PTCD2: variants seen among roughly 807,000 people sequenced by gnomAD.
PTCD2 encodes the protein pentatricopeptide repeat domain 2.
In PTCD2, 31 loss-of-function variants were observed where a neutral mutation model predicts 42.6. The ratio of observed to expected loss-of-function variants is 0.73; its 90% CI spans 0.55 to 0.98. The LOEUF is 0.98. Among genes scored for constraint, PTCD2 ranks in the 50% least tolerant of loss-of-function variants. The pLI is 0.00. For missense variants in PTCD2, 476 were observed against 454.8 expected, an observed-to-expected ratio of 1.05 and a Z score of -0.42; for synonymous variants, 183 against 170.9, an observed-to-expected ratio of 1.07 and a Z score of -0.55.
chr5:72,334,060 G>T (rs191481080), intron 4 of PTCD2, among the ~76,000 whole-genome samples: 16 of 152,072 alleles, frequency 1.1e-4, no homozygotes, highest in African/African-American at 2.9e-4. Context: ...TAAGAGATGG[G>T]ATCTTGCTGT....
At chr5:72,346,873 A>G (rs753649140) in intron 8 of PTCD2, among the ~76,000 whole-genome samples, 5 of 152,204 alleles carry the variant, frequency 3.3e-5, no homozygotes, top group Non-Finnish European at 7.3e-5. Context: ...TCAGGAAGGA[A>G]AGAAAGGAGA....
In PTCD2 at chr5:72,360,088, A is replaced by G. The variant is rs920049784; in HGVS notation, c.*1661A>G. Reference sequence around the variant, plus strand: ...CAAATGAGTTCTTCCTTCTGCTCAAAAATATTGAATTTCTTGTCCTTGTGC... The same window carrying G: ...CAAATGAGTTCTTCCTTCTGCTCAAGAATATTGAATTTCTTGTCCTTGTGC... On this transcript the variant is annotated 3_prime_UTR_variant, in exon 10 of 10. Coordinates refer to ENST00000380639, the MANE Select transcript of PTCD2 (RefSeq NM_024754.5). The G allele has an allele frequency of 6.6e-6, 1 of 152,124 alleles. No homozygotes were observed. Among genetic ancestry groups the G allele is most frequent in the Non-Finnish European group, 1.5e-5 (1 of 68,042 alleles). 9.4% of individuals were successfully genotyped at this position (152,124 alleles called of 1,614,324 possible). A position where few individuals can be genotyped will look rare whatever the true frequency, so the allele number is the denominator to read the frequency against.
At chr5:72,335,309 C>T (rs1178597972) in intron 5 of PTCD2, among the ~76,000 whole-genome samples, 2 of 151,742 alleles carry the variant, frequency 1.3e-5, no homozygotes, top group Non-Finnish European at 2.9e-5. Flanking sequence ...ATTAGCCGGG[C>T]GCGGTGGCGG....
intron 7 of PTCD2, among the ~76,000 whole-genome samples, chr5:72,341,478 C>A (rs918191794): frequency 6.6e-6 from 1 of 151,902 alleles, no homozygotes; most frequent in African/African-American, 2.4e-5. Context: ...GTGGCTCCTG[C>A]GTGTAATCCC....
At chr5:72,329,936 C>CT (rs71614471) in intron 3 of PTCD2, among the ~76,000 whole-genome samples, 39,547 of 143,252 alleles carry the variant, frequency 0.28, 5,517 homozygotes, top group Middle Eastern at 0.42. Context: ...TTTATAACTT[C>CT]TTTTTTTTTT....
chr5:72,324,658 C>T (rs989821054), intron 2 of PTCD2, among the ~76,000 whole-genome samples: 6 of 152,138 alleles, frequency 3.9e-5, no homozygotes, highest in East Asian at 1.9e-4. Flanking sequence ...TAATAGGTGT[C>T]GTAACAGGAC....
intron 2 of PTCD2, among the ~76,000 whole-genome samples, chr5:72,324,856 A>G (rs182048111): frequency 6.6e-6 from 1 of 152,300 alleles, no homozygotes; most frequent in Non-Finnish European, 1.5e-5. Context: ...ATTATATGAT[A>G]AACAAATGTT....
At chr5:72,344,512 C>T (rs2112197164) in intron 8 of PTCD2, among the ~76,000 whole-genome samples, 1 of 151,646 alleles carries the variant, frequency 6.6e-6, no homozygotes, top group Non-Finnish European at 1.5e-5. Flanking sequence ...GACTCCATCT[C>T]AAAAAAAAGA....
rs1273221668 is a variant in PTCD2 at position 72,366,260 on chromosome 5, G to A, written c.*7833G>A. 6.6e-6 allele frequency: 1 copy of A among 152,132 alleles called. No individual in the cohort carries two copies. The highest frequency in any genetic ancestry group is 1.5e-5 in the Non-Finnish European group (1 of 68,028). 9.4% of individuals were successfully genotyped at this position (152,132 alleles called of 1,614,324 possible). ...TAAGACTTACCATTTGCCAGGTCCT[G>A]TGCAAAGCACTTTATCTCATTTGAT... On this transcript the variant is annotated 3_prime_UTR_variant, in exon 10 of 10. Coordinates refer to ENST00000380639, the MANE Select transcript of PTCD2 (RefSeq NM_024754.5).
At chr5:72,324,019 T>G (rs1464695258) in intron 2 of PTCD2, among the ~76,000 whole-genome samples, 1 of 152,174 alleles carries the variant, frequency 6.6e-6, no homozygotes, top group Non-Finnish European at 1.5e-5. Flanking sequence ...CATACTGTTA[T>G]ATAATACCAT....
chr5:72,342,465 T>C (rs969136601), intron 7 of PTCD2, among the ~76,000 whole-genome samples: 2 of 152,220 alleles, frequency 1.3e-5, no homozygotes, highest in African/African-American at 4.8e-5. Flanking sequence ...AATTTAGGTT[T>C]TGTACTTCAG....
In PTCD2 at chr5:72,363,417, T is replaced by C. The variant is rs942025972; in HGVS notation, c.*4990T>C. On this transcript the variant is annotated 3_prime_UTR_variant, in exon 10 of 10. Transcript: ENST00000380639. ...CCTTTGCTAGTCTGGGCAACACACT[T>C]TAAGAATAGTTGGTATAACAGAAAG... 2 of 152,230 alleles carry C rather than the reference T, an allele frequency of 1.3e-5. No individual in the cohort carries two copies. Among genetic ancestry groups the C allele is most frequent in the African/African-American group, 4.8e-5 (2 of 41,458 alleles). 9.4% of individuals were successfully genotyped at this position (152,230 alleles called of 1,614,324 possible).
chr5:72,334,461 G>A (rs371793552), intron 4 of PTCD2, among the ~76,000 whole-genome samples: 4 of 152,086 alleles, frequency 2.6e-5, no homozygotes, highest in South Asian at 4.1e-4. Flanking sequence ...CCTTAAAGAC[G>A]TCCTTCATGG....
At chr5:72,324,394 G>A (rs1751025451) in intron 2 of PTCD2, among the ~76,000 whole-genome samples, 1 of 152,172 alleles carries the variant, frequency 6.6e-6, no homozygotes, top group African/African-American at 2.4e-5. Flanking sequence ...TGGCTCTCCC[G>A]TGATGGACTC....
At position 72,322,231 on chromosome 5, in the gene PTCD2, G is replaced by C. The variant is rs776423040; in HGVS notation, c.187G>C (p.Val63Leu). 2 of 1,601,646 alleles carry C rather than the reference G, an allele frequency of 1.2e-6. No individual in the cohort carries two copies. The highest frequency in any genetic ancestry group is 3.3e-5 in the Admixed American group (2 of 59,914). ...ATTAAAAGAATTTCAACAAAAGAAAGTGGCTGTTGCATGTAATCTTTCTGG... is the reference window on the plus strand; with the variant it reads ...ATTAAAAGAATTTCAACAAAAGAAACTGGCTGTTGCATGTAATCTTTCTGG... ...VKLKEFQQKK[V>L]AVACNLSGTK... The change falls in exon 2 of 10, where the codon GTG (valine) becomes CTG (leucine). Residue 63 changes from valine (V) to leucine (L), a missense_variant. Val to Leu is a conservative substitution (Grantham distance 32). Coordinates refer to ENST00000380639, the MANE Select transcript of PTCD2 (RefSeq NM_024754.5).
At chr5:72,338,160 T>C (rs1358503284) in intron 6 of PTCD2, among the ~76,000 whole-genome samples, 1 of 152,264 alleles carries the variant, frequency 6.6e-6, no homozygotes, top group Non-Finnish European at 1.5e-5. Context: ...GATTCTTTTA[T>C]AATTTATGTT....
Position 72,358,451 on chromosome 5 carries a change from A to C in PTCD2, c.*24A>C. On this transcript the variant is annotated 3_prime_UTR_variant, in exon 10 of 10. Coordinates refer to ENST00000380639, the MANE Select transcript of PTCD2 (RefSeq NM_024754.5). ...AACCCTGGTTTCAGTCCACCTATGG[A>C]TCTGAGGGGCCTGCTTCTAGTGAGT... 4 of 1,548,078 alleles carry C rather than the reference A, an allele frequency of 2.6e-6. No homozygotes were observed. The highest frequency in any genetic ancestry group is 3.6e-6 in the Non-Finnish European group (4 of 1,122,852).
intron 4 of PTCD2, among the ~76,000 whole-genome samples, chr5:72,332,432 G>A (rs747917404): frequency 7.9e-5 from 12 of 151,984 alleles, no homozygotes; most frequent in Non-Finnish European, 1.5e-4. Flanking sequence ...TAAATACATA[G>A]ATACTGGAAA....
chr5:72,320,650 C>CCCACGTGCAACTA, intron 1 of PTCD2, 141 bp downstream of exon 1: 1 of 1,222,988 alleles, frequency 8.2e-7, no homozygotes, highest in Non-Finnish European at 1.1e-6. Flanking sequence ...TCTAGTTGCA[C>CCCACGTGCAACTA]GTGGGTGCAG....
Sources: gnomAD v4.1 joint callset for allele counts (sites outside exome capture counted in the v4.1 genomes callset) on GRCh38, gnomAD v4.1.1 for gene constraint, MANE v1.5 for transcripts, NCBI Gene and HGNC (gene_info 2026-07-23, HGNC 2026-07-21) for gene names.